ROBO1: variants seen among roughly 807,000 people sequenced by gnomAD.
ROBO1 encodes the protein roundabout homolog 1.
A neutral mutation model predicts 195.9 loss-of-function variants in ROBO1; 149 were observed. The observed-to-expected ratio is 0.76, with a 90% CI of 0.67 to 0.87. ROBO1 has a LOEUF of 0.87. Ranked by LOEUF, ROBO1 falls within the 40% of genes least tolerant of loss-of-function variation. The pLI is 0.00. For missense variants in ROBO1, 1,933 were observed against 2,068.3 expected (o/e 0.93, Z 1.27); for synonymous variants, 816 against 733.2 (o/e 1.11, Z -1.82).
chr3:79,401,087 A>C (rs942810594), intron 2 of ROBO1, among the ~76,000 whole-genome samples: 1 of 151,816 alleles, frequency 6.6e-6, no homozygotes, highest in Non-Finnish European at 1.5e-5. Context: ...AGAAAATTCA[A>C]ATTGGGTTAT....
At chr3:78,633,520 G>T (rs187447798) in intron 24 of ROBO1, among the ~76,000 whole-genome samples, 2 of 152,110 alleles carry the variant, frequency 1.3e-5, no homozygotes, top group Admixed American at 6.6e-5. Context: ...TTGTCTCTCC[G>T]GCTTTTGATT....
At chr3:79,744,358 T>C (rs2107442785) in intron 1 of ROBO1, among the ~76,000 whole-genome samples, 1 of 152,274 alleles carries the variant, frequency 6.6e-6, no homozygotes, top group East Asian at 1.9e-4. Context: ...AAAAAATAGT[T>C]AAGAAATAAA....
intron 2 of ROBO1, among the ~76,000 whole-genome samples, chr3:79,217,577 G>A (rs927608376): frequency 1.3e-5 from 2 of 151,880 alleles, no homozygotes; most frequent in African/African-American, 4.8e-5. Context: ...CTGGCATCTT[G>A]GGTCGTGGGT....
chr3:78,884,161 G>A (rs2036358457), intron 4 of ROBO1, among the ~76,000 whole-genome samples: 1 of 152,182 alleles, frequency 6.6e-6, no homozygotes, highest in South Asian at 2.1e-4. Context: ...AAAGGAACAT[G>A]AATGTTATTA....
intron 4 of ROBO1, among the ~76,000 whole-genome samples, chr3:78,884,866 C>CTGTGTGTGTGTG (rs376764608): frequency 0.033 from 4,883 of 147,220 alleles, 148 homozygotes; most frequent in African/African-American, 0.08. Flanking sequence ...CTCTCTCTTT[C>CTGTGTGTGTGTG]TGTGTGTGTG....
intron 2 of ROBO1, among the ~76,000 whole-genome samples, chr3:79,508,693 C>T (rs927175063): frequency 3.3e-5 from 5 of 152,204 alleles, no homozygotes; most frequent in Admixed American, 1.3e-4. Context: ...ATCTGGCATC[C>T]GTTTTCTAAT....
chr3:79,569,587 T>C (rs1943203756), intron 2 of ROBO1, among the ~76,000 whole-genome samples: 1 of 151,948 alleles, frequency 6.6e-6, no homozygotes, highest in African/African-American at 2.4e-5. Flanking sequence ...ACATAGTAAA[T>C]GCGAGAATTG....
intron 2 of ROBO1, among the ~76,000 whole-genome samples, chr3:79,161,639 C>A (rs965558383): frequency 7.9e-5 from 12 of 152,088 alleles, no homozygotes; most frequent in Non-Finnish European, 1.3e-4. Flanking sequence ...CACATTTACA[C>A]CATAACTTTG....
chr3:79,085,105 T>G (rs982211712), intron 3 of ROBO1, among the ~76,000 whole-genome samples: 46 of 152,276 alleles, frequency 3.0e-4, no homozygotes, highest in African/African-American at 9.4e-4. Context: ...GAAATGTACC[T>G]TTGGAGAGTT....
intron 1 of ROBO1, among the ~76,000 whole-genome samples, chr3:79,755,366 T>A (rs896875079): frequency 1.3e-5 from 2 of 152,134 alleles, no homozygotes; most frequent in African/African-American, 4.8e-5. Flanking sequence ...AGCAACAGCA[T>A]CAAGCAAAAG....
chr3:78,931,005 G>C (rs1467663521), intron 4 of ROBO1, among the ~76,000 whole-genome samples: 1 of 151,976 alleles, frequency 6.6e-6, no homozygotes, highest in African/African-American at 2.4e-5. Context: ...TTGGCTAGTT[G>C]CTTATTTTCT....
intron 1 of ROBO1, among the ~76,000 whole-genome samples, chr3:79,595,385 G>T (rs1354892795): frequency 6.6e-6 from 1 of 151,938 alleles, no homozygotes; most frequent in African/African-American, 2.4e-5. Context: ...TTACATAAGA[G>T]AACACCTACA....
chr3:79,732,779 A>C (rs1357959813), intron 1 of ROBO1, among the ~76,000 whole-genome samples: 1 of 152,152 alleles, frequency 6.6e-6, no homozygotes, highest in East Asian at 1.9e-4. Flanking sequence ...GCCAATCATC[A>C]CTTACAAGAT....
At chr3:78,950,471 C>A (rs541124406) in intron 3 of ROBO1, among the ~76,000 whole-genome samples, 1 of 127,162 alleles carries the variant, frequency 7.9e-6, no homozygotes, top group Admixed American at 1.0e-4. Flanking sequence ...CGAGAACACA[C>A]GGACACAGGA....
chr3:79,008,508 CGTGT>C lies in ROBO1; in HGVS notation c.173-69585_173-69582del, dbSNP rs576440550. Among the ~76,000 whole-genome samples the C allele has an allele frequency of 7.9e-5, 12 of 151,640 alleles. 1 individual carries two copies. The highest frequency in any genetic ancestry group is 2.9e-4 in the African/African-American group (12 of 41,312). ...AAATATATTTATTATGCAGCACGTACGTGTGTGTGTATACATATATATAGTATAC... is the reference window on the plus strand; with the variant it reads ...AAATATATTTATTATGCAGCACGTACGTGTGTATACATATATATAGTATAC... On this transcript the variant is annotated intron_variant, in intron 3 of 30. Coordinates refer to ENST00000464233, the MANE Select transcript of ROBO1 (RefSeq NM_002941.4).
chr3:78,742,230 C>T (rs1436834298), intron 5 of ROBO1, among the ~76,000 whole-genome samples: 1 of 152,148 alleles, frequency 6.6e-6, no homozygotes, highest in Non-Finnish European at 1.5e-5. Flanking sequence ...TCTTTCATAA[C>T]GATATTATGT....
chr3:78,773,724 T>C (rs529717634), intron 4 of ROBO1, among the ~76,000 whole-genome samples: 1 of 152,312 alleles, frequency 6.6e-6, no homozygotes, highest in East Asian at 1.9e-4. Flanking sequence ...TCATCCTTTT[T>C]CATTGATTCC....
intron 2 of ROBO1, among the ~76,000 whole-genome samples, chr3:79,298,254 G>A (rs564614914): frequency 4.6e-5 from 7 of 152,186 alleles, no homozygotes; most frequent in African/African-American, 1.7e-4. Context: ...TGATTGATTG[G>A]CAACATACGA....
intron 2 of ROBO1, among the ~76,000 whole-genome samples, chr3:79,351,693 T>A (rs2035348274): frequency 6.6e-6 from 1 of 152,142 alleles, no homozygotes; most frequent in Admixed American, 6.5e-5. Context: ...TTGTTGCAAG[T>A]TTTGCCTTTT....
Sources: allele counts gnomAD v4.1 joint callset (sites outside exome capture counted in the v4.1 genomes callset), GRCh38; gene constraint gnomAD v4.1.1; transcripts MANE v1.5; gene names NCBI Gene and HGNC (gene_info 2026-07-23, HGNC 2026-07-21).